The following DCC variants were observed in gnomAD, a reference collection of about 807,000 sequenced individuals.
DCC encodes netrin receptor DCC.
A neutral mutation model predicts 172.5 loss-of-function variants in DCC; 58 were observed. That is an observed-to-expected ratio of 0.34 (90% CI 0.27 to 0.42). DCC has a LOEUF of 0.42. Among genes scored for constraint, DCC ranks in the 10% least tolerant of loss-of-function variants. The pLI, the probability that DCC is intolerant of heterozygous loss-of-function variation, is 1.00. For missense variants in DCC, 1,740 were observed against 1,791.0 expected (o/e 0.97, Z 0.51); for synonymous variants, 709 against 644.5 (o/e 1.10, Z -1.52).
intron 1 of DCC, among the ~76,000 whole-genome samples, chr18:52,459,456 TTTTC>T (rs113006148): frequency 2.3e-3 from 345 of 151,106 alleles, no homozygotes; most frequent in East Asian, 0.014. Flanking sequence ...CAGTATTTGG[TTTTC>T]TTTCTTTCTT....
intron 5 of DCC, among the ~76,000 whole-genome samples, chr18:53,044,516 C>G (rs981694317): frequency 6.6e-6 from 1 of 151,634 alleles, no homozygotes; most frequent in African/African-American, 2.4e-5. Context: ...AAGGCATGGA[C>G]TAGATATCTA....
chr18:53,145,382 G>A (rs1365878450), intron 7 of DCC, among the ~76,000 whole-genome samples: 1 of 152,114 alleles, frequency 6.6e-6, no homozygotes, highest in African/African-American at 2.4e-5. Flanking sequence ...CGAAGTGCTG[G>A]GATTACAGGC....
chr18:52,394,337 G>A (rs1986138216), intron 1 of DCC, among the ~76,000 whole-genome samples: 1 of 152,044 alleles, frequency 6.6e-6, no homozygotes, highest in Admixed American at 6.6e-5. Context: ...TGTGATCATA[G>A]CTCACTACAG....
chr18:53,323,471 A>T (rs1396008762), intron 14 of DCC, among the ~76,000 whole-genome samples: 1 of 152,238 alleles, frequency 6.6e-6, no homozygotes, highest in Non-Finnish European at 1.5e-5. Context: ...CACCATGCTG[A>T]GCTTTGATAC....
intron 8 of DCC, among the ~76,000 whole-genome samples, chr18:53,165,235 G>C (rs2054899165): frequency 6.6e-6 from 1 of 152,166 alleles, no homozygotes; most frequent in Non-Finnish European, 1.5e-5. Flanking sequence ...GCAGAACAAA[G>C]GCTGAACTAG....
intron 20 of DCC, among the ~76,000 whole-genome samples, chr18:53,415,347 C>T (rs770819584): frequency 2.4e-4 from 36 of 152,108 alleles, no homozygotes; most frequent in Non-Finnish European, 3.8e-4. Context: ...AGCTCAAAGA[C>T]GGTCAAGTCT....
At chr18:53,358,148 G>A (rs1382664377) in intron 15 of DCC, among the ~76,000 whole-genome samples, 1 of 151,940 alleles carries the variant, frequency 6.6e-6, no homozygotes, top group Non-Finnish European at 1.5e-5. Context: ...TGAATCCAAA[G>A]AAAAATATAT....
At chr18:52,713,575 A>C (rs1355747224) in intron 1 of DCC, among the ~76,000 whole-genome samples, 1 of 152,114 alleles carries the variant, frequency 6.6e-6, no homozygotes, top group Non-Finnish European at 1.5e-5. Context: ...ATGCACTTGG[A>C]TCCTTTAGTT....
intron 5 of DCC, among the ~76,000 whole-genome samples, chr18:53,019,841 C>T (rs2041855102): frequency 6.6e-6 from 1 of 152,092 alleles, no homozygotes; most frequent in African/African-American, 2.4e-5. Flanking sequence ...ACCTACAAAG[C>T]CTAACATGTT....
At chr18:52,519,406 C>G (rs2339347) in intron 1 of DCC, among the ~76,000 whole-genome samples, 2 of 135,070 alleles carry the variant, frequency 1.5e-5, no homozygotes, top group Admixed American at 7.3e-5. Context: ...ATAAGAGCCC[C>G]AGGGAATGGA....
At chr18:52,793,875 T>C (rs2037821894) in intron 2 of DCC, among the ~76,000 whole-genome samples, 1 of 152,180 alleles carries the variant, frequency 6.6e-6, no homozygotes, top group African/African-American at 2.4e-5. Flanking sequence ...TTTCCCTGCA[T>C]CATTATTGAA....
intron 15 of DCC, among the ~76,000 whole-genome samples, chr18:53,372,259 A>G (rs945065883): frequency 1.1e-4 from 16 of 152,150 alleles, no homozygotes; most frequent in African/African-American, 2.7e-4. Flanking sequence ...AATGTGGTAC[A>G]TATACATCGT....
intron 27 of DCC, among the ~76,000 whole-genome samples, chr18:53,508,978 C>A (rs2046217732): frequency 6.6e-6 from 1 of 152,222 alleles, no homozygotes; most frequent in Non-Finnish European, 1.5e-5. Context: ...TTATATCCAA[C>A]AGGTGTACAG....
At chr18:52,774,449 C>T (rs1334863731) in intron 2 of DCC, among the ~76,000 whole-genome samples, 2 of 152,220 alleles carry the variant, frequency 1.3e-5, no homozygotes, top group Non-Finnish European at 2.9e-5. Flanking sequence ...ATCGCTGTAG[C>T]TACATCTTCT....
At chr18:52,961,000 C>T (rs899720006) in intron 5 of DCC, among the ~76,000 whole-genome samples, 1 of 152,082 alleles carries the variant, frequency 6.6e-6, no homozygotes, top group African/African-American at 2.4e-5. Flanking sequence ...CAATAGTACC[C>T]ATAAACACAT....
At chr18:52,555,004 T>C (rs889885229) in intron 1 of DCC, among the ~76,000 whole-genome samples, 8 of 151,928 alleles carry the variant, frequency 5.3e-5, no homozygotes, top group African/African-American at 1.5e-4. Context: ...CTAACTTCTT[T>C]TGAGTTCAAA....
chr18:52,815,923 A>G (rs2038288766), intron 2 of DCC, among the ~76,000 whole-genome samples: 1 of 151,620 alleles, frequency 6.6e-6, no homozygotes, highest in African/African-American at 2.4e-5. Context: ...GCACATTTAC[A>G]ACAGAGAACA....
chr18:52,482,499 G>T (rs1259956265), intron 1 of DCC, among the ~76,000 whole-genome samples: 1 of 152,132 alleles, frequency 6.6e-6, no homozygotes, highest in Non-Finnish European at 1.5e-5. Flanking sequence ...CAAAGTGCTG[G>T]CAGATGCAGT....
intron 1 of DCC, among the ~76,000 whole-genome samples, chr18:52,526,617 A>G (rs2031988268): frequency 6.6e-6 from 1 of 152,248 alleles, no homozygotes; most frequent in South Asian, 2.1e-4. Context: ...TTCCTTAGGT[A>G]CTTCATGAGA....
Sources: gnomAD v4.1 joint callset for allele counts (sites outside exome capture counted in the v4.1 genomes callset) on GRCh38, gnomAD v4.1.1 for gene constraint, MANE v1.5 for transcripts, NCBI Gene and HGNC (gene_info 2026-07-23, HGNC 2026-07-21) for gene names.